The following SLIT3 variants were observed in gnomAD, a reference collection of about 807,000 sequenced individuals.
The protein encoded by SLIT3 is slit guidance ligand 3.
In SLIT3, 68 loss-of-function variants were observed where a neutral mutation model predicts 184.0. The ratio of observed to expected loss-of-function variants is 0.37; its 90% CI spans 0.30 to 0.45. The LOEUF (loss-of-function observed/expected upper bound fraction) is 0.45. Ranked by LOEUF, SLIT3 falls within the 20% of genes least tolerant of loss-of-function variation. SLIT3 has a pLI of 1.00. For missense variants in SLIT3, 1,707 were observed against 2,026.0 expected, an observed-to-expected ratio of 0.84 and a Z score of 3.02; for synonymous variants, 831 against 828.6, an observed-to-expected ratio of 1.00 and a Z score of -0.05.
rs537756938 is a variant in SLIT3, at chr5:168,950,797, G to A, written c.414-67461C>T. On this transcript the variant is annotated intron_variant, in intron 4 of 35. Coordinates refer to ENST00000519560, the MANE Select transcript of SLIT3 (RefSeq NM_003062.4). ...TACCTCAGACTCACCCTGCACATAC[G>A]CTGACCAAAATGGCAGTTGCAATTG... is the stretch of plus-strand genomic sequence containing the variant. Among the ~76,000 whole-genome samples the A allele has an allele frequency of 2.2e-3, 329 of 152,342 alleles. 2 individuals carry two copies. The highest frequency in any genetic ancestry group is 0.015 in the South Asian group (74 of 4,826).
chr5:169,198,484 G>A (rs1447443507), intron 3 of SLIT3, among the ~76,000 whole-genome samples: 5 of 152,200 alleles, frequency 3.3e-5, no homozygotes, highest in East Asian at 1.9e-4. Context: ...GGTGACCTGC[G>A]AACACAAGTG....
intron 29 of SLIT3, among the ~76,000 whole-genome samples, chr5:168,688,783 A>G (rs569901623): frequency 4.7e-4 from 72 of 152,350 alleles, no homozygotes; most frequent in African/African-American, 1.7e-3. Flanking sequence ...AGCACCATGT[A>G]TACTTCTGCT....
At chr5:169,195,839 C>G (rs1342224275) in intron 3 of SLIT3, among the ~76,000 whole-genome samples, 1 of 152,084 alleles carries the variant, frequency 6.6e-6, no homozygotes, top group Non-Finnish European at 1.5e-5. Context: ...GGAAGCCTGA[C>G]TCTTACCCCA....
rs578130312 is a variant in SLIT3 at position 168,711,056 on chromosome 5, G to A, written c.2558C>T (p.Ala853Val). 1.5e-5 allele frequency: 24 copies of A among 1,570,064 alleles called. No individual in the cohort carries two copies. Among genetic ancestry groups the A allele is most frequent in the Middle Eastern group, 1.7e-4 (1 of 5,952 alleles). Residue 853 changes from alanine to valine, a missense_variant and splice_region_variant, in exon 25 of 36, where the codon GCG becomes GTG. This residue lies in a region of SLIT3 where 1,307 missense variants were observed against 1,511.6 expected (regional missense o/e 0.86). Transcript: ENST00000519560. The stretch of plus-strand genomic sequence containing the variant: ...ACAGTGGAGTGGGTTGGTTCCCAGC[G>A]CCCTAGGAGGCAGAACAGGAAGTCA... ...FNDLTSLSHLALGTNPLHCDC... is the reference protein window; with the variant it reads ...FNDLTSLSHLVLGTNPLHCDC...
At chr5:168,756,296 C>T (rs989302950) in intron 16 of SLIT3, among the ~76,000 whole-genome samples, 25 of 152,226 alleles carry the variant, frequency 1.6e-4, no homozygotes, top group African/African-American at 5.8e-4. Context: ...GGCGAGAACT[C>T]CCTTAGGGAC....
intron 32 of SLIT3, 133 bp from the exon 33 acceptor site, chr5:168,673,464 C>G (rs886939651): frequency 1.2e-6 from 1 of 839,104 alleles, no homozygotes; most frequent in East Asian, 2.7e-5. Context: ...TTTAAACTTA[C>G]ATAAGTTGCA....
chr5:168,889,830 A>C (rs1760376913), intron 4 of SLIT3, among the ~76,000 whole-genome samples: 1 of 152,166 alleles, frequency 6.6e-6, no homozygotes, highest in Non-Finnish European at 1.5e-5. Context: ...CAAATATAAA[A>C]TAAACATCTA....
chr5:168,831,691 T>C (rs1757887598), intron 6 of SLIT3, among the ~76,000 whole-genome samples: 1 of 152,090 alleles, frequency 6.6e-6, no homozygotes, highest in African/African-American at 2.4e-5. Context: ...AACACACAGC[T>C]CTCACCGCCA....
intron 6 of SLIT3, among the ~76,000 whole-genome samples, chr5:168,832,903 T>C (rs1242039440): frequency 6.6e-6 from 1 of 152,210 alleles, no homozygotes; most frequent in African/African-American, 2.4e-5. Context: ...ACCAAACAAA[T>C]TCATTCAATA....
intron 9 of SLIT3, among the ~76,000 whole-genome samples, chr5:168,798,540 CTT>C (rs1756658787): frequency 6.6e-6 from 1 of 152,092 alleles, no homozygotes. Context: ...GGGTTTCATT[CTT>C]GTCTGCAGTT....
chr5:169,080,921 GA>G (rs915993611), intron 4 of SLIT3, among the ~76,000 whole-genome samples: 25 of 150,658 alleles, frequency 1.7e-4, no homozygotes, highest in Non-Finnish European at 2.2e-4. Flanking sequence ...AAAGAAAAAA[GA>G]AAAAAAAATG....
At chr5:168,783,373 C>T (rs1054101952) in intron 12 of SLIT3, among the ~76,000 whole-genome samples, 1 of 151,256 alleles carries the variant, frequency 6.6e-6, no homozygotes, top group Non-Finnish European at 1.5e-5. Flanking sequence ...TGGCTGTGTA[C>T]ATACTGGACT....
At chr5:168,884,911 G>T (rs12513635) in intron 4 of SLIT3, among the ~76,000 whole-genome samples, 5,450 of 152,126 alleles carry the variant, frequency 0.036, 214 homozygotes, top group Admixed American at 0.1. Context: ...CCTACGGACA[G>T]ATTGTACCTG....
At chr5:168,979,669 C>G (rs1388143966) in intron 4 of SLIT3, among the ~76,000 whole-genome samples, 2 of 152,258 alleles carry the variant, frequency 1.3e-5, no homozygotes, top group Admixed American at 6.5e-5. Context: ...GGGGCTGGGG[C>G]CAAACAGGAC....
chr5:169,005,135 A>G lies in SLIT3; in HGVS notation c.414-121799T>C, dbSNP rs185979043. On this transcript the variant is annotated intron_variant, in intron 4 of 35. Coordinates refer to ENST00000519560, the MANE Select transcript of SLIT3 (RefSeq NM_003062.4). Reference sequence around the variant, plus strand: ...TTATTAAGTTATGCAGATTGTTTTTAAAACATAATGCTGTTACAAAATAGA... The same window carrying G: ...TTATTAAGTTATGCAGATTGTTTTTGAAACATAATGCTGTTACAAAATAGA... Among the ~76,000 whole-genome samples, 124 of 152,334 alleles carry G rather than the reference A, an allele frequency of 8.1e-4. 1 individual carries two copies. Among genetic ancestry groups the G allele is most frequent in the African/African-American group, 2.8e-3 (116 of 41,584 alleles).
chr5:168,935,811 T>C (rs548004822), intron 4 of SLIT3, among the ~76,000 whole-genome samples: 17 of 152,372 alleles, frequency 1.1e-4, no homozygotes, highest in Non-Finnish European at 1.8e-4. Context: ...CCCATCACTG[T>C]GCTCACAGAC....
intron 5 of SLIT3, 189 bp from the exon 6 acceptor site, chr5:168,844,844 C>A: frequency 1.8e-6 from 1 of 565,640 alleles, no homozygotes; most frequent in Non-Finnish European, 3.2e-6. Context: ...GAGAGAACTA[C>A]ACAGACGAGC....
At chr5:169,295,537 A>G (rs557525348) in intron 1 of SLIT3, among the ~76,000 whole-genome samples, 3 of 152,376 alleles carry the variant, frequency 2.0e-5, no homozygotes, top group Admixed American at 2.0e-4. Context: ...GTCCACAGCA[A>G]TAGTGTAACA....
At chr5:168,874,220 G>T (rs1759648428) in intron 5 of SLIT3, among the ~76,000 whole-genome samples, 1 of 152,044 alleles carries the variant, frequency 6.6e-6, no homozygotes, top group African/African-American at 2.4e-5. Flanking sequence ...AAATTGTACT[G>T]CTGGCTTTAA....
Sources: gnomAD v4.1 joint callset for allele counts (sites outside exome capture counted in the v4.1 genomes callset) on GRCh38, gnomAD v4.1.1 for gene constraint, gnomAD v4.1.1 regional missense constraint, MANE v1.5 for transcripts, NCBI Gene and HGNC (gene_info 2026-07-23, HGNC 2026-07-21) for gene names.